The following TM2D1 variants were observed in gnomAD, a reference collection of about 807,000 sequenced individuals.
TM2D1 encodes TM2 domain containing 1.
TM2D1 carries 15 observed loss-of-function variants against 28.4 expected under a neutral mutation model. The ratio of observed to expected loss-of-function variants is 0.53; its 90% CI spans 0.35 to 0.81. TM2D1 has a LOEUF of 0.81. Ranked by LOEUF, TM2D1 falls within the 40% of genes least tolerant of loss-of-function variation. The pLI, the probability that TM2D1 is intolerant of heterozygous loss-of-function variation, is 0.01. For missense variants in TM2D1, 236 were observed against 254.9 expected (o/e 0.93, Z 0.50); for synonymous variants, 93 against 96.2 (o/e 0.97, Z 0.20).
chr1:61,691,937 A>ATATATATATATATATG (rs1570099247), intron 5 of TM2D1, among the ~76,000 whole-genome samples: 3 of 77,784 alleles, frequency 3.9e-5, no homozygotes, highest in East Asian at 2.9e-4. Flanking sequence ...AAAAAAATAT[A>ATATATATATATATATG]TATATATATA....
intron 2 of TM2D1, among the ~76,000 whole-genome samples, chr1:61,722,392 A>G (rs922927691): frequency 6.6e-6 from 1 of 152,176 alleles, no homozygotes; most frequent in African/African-American, 2.4e-5. Context: ...CCCCAGAGAC[A>G]GAGTCTTGCT....
intron 5 of TM2D1, among the ~76,000 whole-genome samples, chr1:61,685,206 T>C (rs1303005937): frequency 6.6e-6 from 1 of 152,240 alleles, no homozygotes; most frequent in Non-Finnish European, 1.5e-5. Flanking sequence ...GTAAAAATTA[T>C]AATGGTTAGT....
intron 5 of TM2D1, among the ~76,000 whole-genome samples, chr1:61,689,652 C>G (rs1644309965): frequency 6.6e-6 from 1 of 152,116 alleles, no homozygotes; most frequent in Non-Finnish European, 1.5e-5. Context: ...AAACTATAGG[C>G]ACTCATCTGG....
At chr1:61,713,165 A>T (rs893039443) in intron 2 of TM2D1, among the ~76,000 whole-genome samples, 2 of 142,186 alleles carry the variant, frequency 1.4e-5, no homozygotes, top group East Asian at 4.2e-4. Context: ...ATGAGACTCC[A>T]CCTCAAAAAA....
chr1:61,688,883 A>G (rs1215299259), intron 5 of TM2D1, among the ~76,000 whole-genome samples: 2 of 150,134 alleles, frequency 1.3e-5, no homozygotes, highest in Admixed American at 6.7e-5. Flanking sequence ...CATCTCTACT[A>G]AAAATTAGCT....
intron 4 of TM2D1, chr1:61,699,205 A>T (rs994510699): frequency 6.6e-6 from 1 of 151,944 alleles, no homozygotes; most frequent in African/African-American, 2.4e-5. Flanking sequence ...TAAGTCAGGC[A>T]TGGTGGTACA....
intron 2 of TM2D1, among the ~76,000 whole-genome samples, chr1:61,716,280 T>A (rs1178803919): frequency 6.6e-6 from 1 of 150,466 alleles, no homozygotes; most frequent in African/African-American, 2.4e-5. Flanking sequence ...GATCCTGCCA[T>A]TGCACTACAG....
intron 5 of TM2D1, among the ~76,000 whole-genome samples, chr1:61,688,214 G>A (rs930390356): frequency 6.6e-6 from 1 of 152,112 alleles, no homozygotes; most frequent in Non-Finnish European, 1.5e-5. Context: ...ACCAGTTTAA[G>A]ATATTCTTTG....
At chr1:61,717,999 G>A (rs1330382079) in intron 2 of TM2D1, among the ~76,000 whole-genome samples, 3 of 152,066 alleles carry the variant, frequency 2.0e-5, no homozygotes, top group African/African-American at 7.2e-5. Flanking sequence ...GGGCTACAAA[G>A]CAGCGAGACC....
At chr1:61,720,342 A>G (rs1644554617) in intron 2 of TM2D1, among the ~76,000 whole-genome samples, 1 of 151,994 alleles carries the variant, frequency 6.6e-6, no homozygotes, top group Admixed American at 6.6e-5. Context: ...CCCAGGTTCA[A>G]GCAAGTCTCC....
At chr1:61,707,906 T>C (rs1188264027) in intron 3 of TM2D1, among the ~76,000 whole-genome samples, 3 of 152,110 alleles carry the variant, frequency 2.0e-5, no homozygotes, top group South Asian at 4.1e-4. Context: ...TGCCATCAAA[T>C]AGAATGTAAC....
chr1:61,709,211 C>G (rs985779276), intron 3 of TM2D1, 118 bp downstream of exon 3: 1 of 677,818 alleles, frequency 1.5e-6, no homozygotes, highest in East Asian at 3.1e-5. Context: ...CTGACACAAG[C>G]AAAAAGATAA....
intron 4 of TM2D1, among the ~76,000 whole-genome samples, chr1:61,696,700 A>G (rs1570104002): frequency 6.6e-6 from 1 of 152,104 alleles, no homozygotes; most frequent in African/African-American, 2.4e-5. Context: ...TTCCTTTTAG[A>G]CCACTTCTTT....
At chr1:61,724,003 G>A (rs957296527) in intron 1 of TM2D1, among the ~76,000 whole-genome samples, 2 of 152,162 alleles carry the variant, frequency 1.3e-5, no homozygotes, top group African/African-American at 4.8e-5. Flanking sequence ...GGGAAGAACA[G>A]CCTGGGCAAC....
chr1:61,710,475 TACAC>T (rs34366819), intron 2 of TM2D1, among the ~76,000 whole-genome samples: 1 of 119,562 alleles, frequency 8.4e-6, no homozygotes. Context: ...TATATATATA[TACAC>T]ACACACACAC....
intron 5 of TM2D1, among the ~76,000 whole-genome samples, chr1:61,693,421 C>G (rs1644342517): frequency 6.6e-6 from 1 of 152,038 alleles, no homozygotes; most frequent in East Asian, 1.9e-4. Context: ...TTCTGGATAT[C>G]TTAACTCAAA....
chr1:61,686,070 G>A (rs4915771), intron 5 of TM2D1, among the ~76,000 whole-genome samples: 50,431 of 152,014 alleles, frequency 0.33, 10,241 homozygotes, highest in East Asian at 0.48. Context: ...ACTTGGAAGA[G>A]AAAGCTGTCT....
At chr1:61,706,689 T>C (rs1644443418) in intron 3 of TM2D1, among the ~76,000 whole-genome samples, 1 of 151,724 alleles carries the variant, frequency 6.6e-6, no homozygotes, top group Non-Finnish European at 1.5e-5. Context: ...ATGCCTGTAA[T>C]CCCAGCTACT....
intron 2 of TM2D1, among the ~76,000 whole-genome samples, chr1:61,712,822 T>A (rs944540290): frequency 2.6e-5 from 4 of 152,196 alleles, no homozygotes; most frequent in African/African-American, 9.6e-5. Context: ...AGAACAGATA[T>A]GAAAGAACTA....
Sources: gnomAD v4.1 joint callset for allele counts (sites outside exome capture counted in the v4.1 genomes callset) on GRCh38, gnomAD v4.1.1 for gene constraint, MANE v1.5 for transcripts, NCBI Gene and HGNC (gene_info 2026-07-23, HGNC 2026-07-21) for gene names.